The following NUB1 variants were observed in gnomAD, a reference collection of about 807,000 sequenced individuals.
NUB1 encodes negative regulator of ubiquitin like proteins 1.
A neutral mutation model predicts 77.1 loss-of-function variants in NUB1; 41 were observed. That is an observed-to-expected ratio of 0.53 (90% CI 0.41 to 0.69). NUB1 has a LOEUF of 0.69. NUB1 is among the 30% of genes least tolerant of loss of function. NUB1 has a pLI of 0.00. For synonymous variants in NUB1, 257 were observed against 281.0 expected (o/e 0.91, Z 0.85); for missense variants, 643 against 743.8 (o/e 0.86, Z 1.58).
At position 151,377,350 on chromosome 7, in the gene NUB1, T is replaced by G; in HGVS notation, c.*125T>G. 1.2e-3 allele frequency: 578 copies of G among 472,414 alleles called. No individual in the cohort carries two copies. The highest frequency in any genetic ancestry group is 3.0e-3 in the East Asian group (63 of 20,718). 29.3% of individuals were successfully genotyped at this position (472,414 alleles called of 1,614,324 possible). A position where few individuals can be genotyped will look rare whatever the true frequency, so the allele number is the denominator to read the frequency against. ...AGTCCTCTTTGGGTGTAGGAGGGGG[T>G]GGGCAGGGGACAAGTCCAGGAGGGG... is the stretch of plus-strand genomic sequence containing the variant. On this transcript the variant is annotated 3_prime_UTR_variant, in exon 15 of 15. Transcript: ENST00000568733.
chr7:151,357,865 C>T (rs948172932), intron 7 of NUB1, among the ~76,000 whole-genome samples: 1 of 152,028 alleles, frequency 6.6e-6, no homozygotes. Flanking sequence ...CCACCTCGGC[C>T]TCCCAAAGTG....
chr7:151,365,827 C>T (rs1454860698), intron 8 of NUB1, among the ~76,000 whole-genome samples: 1 of 152,066 alleles, frequency 6.6e-6, no homozygotes, highest in Non-Finnish European at 1.5e-5. Context: ...CACAACTGGA[C>T]TGTGTACATG....
rs375774682 is a variant in NUB1, at chr7:151,377,106, G to C, written c.1729G>C (p.Glu577Gln). The change falls in exon 15 of 15, where the codon GAA becomes CAA. Residue 577 changes from glutamate (E) to glutamine (Q), a missense_variant. By Grantham distance (29) the Glu-to-Gln change is conservative (BLOSUM62 2). Transcript: ENST00000568733. Reference protein sequence around the residue: ...METEAVNEILEDIPEHEEDYL... With the variant: ...METEAVNEILQDIPEHEEDYL... ...GACAGAGGCCGTCAATGAGATACTGGAAGACATTCCAGAGCATGAGGAAGA... is the reference window on the plus strand; with the variant it reads ...GACAGAGGCCGTCAATGAGATACTGCAAGACATTCCAGAGCATGAGGAAGA... The C allele has an allele frequency of 1.5e-5, 24 of 1,584,652 alleles. No homozygotes were observed. In the African/African-American group the frequency reaches 2.6e-4, roughly 17 times the overall value.
chr7:151,352,717 A>T, intron 4 of NUB1, 95 bp from the exon 5 acceptor site: 1 of 762,926 alleles, frequency 1.3e-6, no homozygotes, highest in Non-Finnish European at 2.2e-6. Context: ...TGTTGGGATT[A>T]CAGGCGTGAG....
chr7:151,355,665 C>A, intron 5 of NUB1, 103 bp from the exon 6 acceptor site: 1 of 1,164,810 alleles, frequency 8.6e-7, no homozygotes. Context: ...AGAGTGAGAC[C>A]TTGTCTCAAA....
chr7:151,368,679 T>C, intron 10 of NUB1, 56 bp from the exon 11 acceptor site: 1 of 1,518,050 alleles, frequency 6.6e-7, no homozygotes, highest in Non-Finnish European at 8.8e-7. Context: ...TTTCACTTTG[T>C]ATTAAGCTTT....
chr7:151,353,906 G>C (rs1455604083), intron 5 of NUB1, among the ~76,000 whole-genome samples: 1 of 152,114 alleles, frequency 6.6e-6, no homozygotes, highest in South Asian at 2.1e-4. Flanking sequence ...AGATGTCATG[G>C]ATATCTTTTC....
At chr7:151,346,924 A>G (rs1796527636) in intron 2 of NUB1, among the ~76,000 whole-genome samples, 1 of 152,178 alleles carries the variant, frequency 6.6e-6, no homozygotes, top group African/African-American at 2.4e-5. Flanking sequence ...GGTAACTGGT[A>G]TCTGAAGTTA....
intron 4 of NUB1, among the ~76,000 whole-genome samples, chr7:151,352,600 G>A (rs182783053): frequency 3.9e-5 from 6 of 152,214 alleles, no homozygotes; most frequent in East Asian, 3.9e-4. Flanking sequence ...GGGCTACCAG[G>A]CCTGGCTAAT....
intron 4 of NUB1, chr7:151,352,482 C>A (rs1184048941): frequency 3.4e-6 from 1 of 295,022 alleles, no homozygotes; most frequent in East Asian, 8.9e-5. Flanking sequence ...CTTGCTCTGT[C>A]ACCCAAGCTG....
Position 151,367,981 on chromosome 7 carries a change from A to G in NUB1, c.1095+13A>G. On this transcript the variant is annotated intron_variant, in intron 10 of 14. Transcript: ENST00000568733. ...GTATCTTAACAAGGTAAGAAAAGTA[A>G]AGTTGTAACCAATTTTCACCTCCTT... is the stretch of plus-strand genomic sequence containing the variant. 6.9e-7 allele frequency: 1 copy of G among 1,457,336 alleles called. No homozygotes were observed. Among genetic ancestry groups the G allele is most frequent in the Non-Finnish European group, 9.4e-7 (1 of 1,068,030 alleles). 90.3% of individuals were successfully genotyped at this position (1,457,336 alleles called of 1,614,324 possible).
At chr7:151,343,046 T>C (rs770078059) in intron 1 of NUB1, among the ~76,000 whole-genome samples, 3 of 152,256 alleles carry the variant, frequency 2.0e-5, no homozygotes, top group Non-Finnish European at 4.4e-5. Flanking sequence ...GTGAAATTAC[T>C]GTCCCCCAGT....
chr7:151,346,621 AT>A (rs1385961269), intron 2 of NUB1, among the ~76,000 whole-genome samples: 1 of 152,182 alleles, frequency 6.6e-6, no homozygotes, highest in Non-Finnish European at 1.5e-5. Flanking sequence ...TAAGTGACAG[AT>A]TTTGGACAGC....
intron 6 of NUB1, 33 bp from the exon 7 acceptor site, chr7:151,356,095 G>C (rs369053040): frequency 1.3e-5 from 20 of 1,581,072 alleles, no homozygotes; most frequent in Non-Finnish European, 1.7e-5. Flanking sequence ...GTTTAACATT[G>C]AGTTCATGGA....
intron 2 of NUB1, 96 bp downstream of exon 2, chr7:151,345,562 G>T (rs1257220195): frequency 1.4e-6 from 1 of 701,914 alleles, no homozygotes; most frequent in African/African-American, 1.8e-5. Flanking sequence ...TAAACTTTTG[G>T]CATAACCAAA....
intron 9 of NUB1, among the ~76,000 whole-genome samples, chr7:151,367,336 A>G (rs367567): frequency 0.51 from 77,675 of 152,118 alleles, 21,728 homozygotes; most frequent in Non-Finnish European, 0.64. Context: ...TTTAGCCCAA[A>G]GGAACATGGT....
intron 14 of NUB1, 104 bp downstream of exon 14, chr7:151,376,915 C>G: frequency 7.0e-7 from 1 of 1,435,990 alleles, no homozygotes; most frequent in Non-Finnish European, 9.3e-7. Context: ...GGGGGCGTCC[C>G]CTGACGTCAC....
chr7:151,360,056 GT>G, intron 7 of NUB1, 84 bp from the exon 8 acceptor site: 1 of 604,616 alleles, frequency 1.7e-6, no homozygotes, highest in Non-Finnish European at 2.8e-6. Flanking sequence ...TTTTTACTTT[GT>G]TTTTTAAAAA....
At chr7:151,343,319 G>A (rs1796304248) in intron 1 of NUB1, among the ~76,000 whole-genome samples, 1 of 151,954 alleles carries the variant, frequency 6.6e-6, no homozygotes, top group Non-Finnish European at 1.5e-5. Flanking sequence ...CCTAATTCTT[G>A]TCCCCGCACT....
Sources: allele counts gnomAD v4.1 joint callset (sites outside exome capture counted in the v4.1 genomes callset), GRCh38; gene constraint gnomAD v4.1.1; transcripts MANE v1.5; gene names NCBI Gene and HGNC (gene_info 2026-07-23, HGNC 2026-07-21).